The following CASZ1 variants were observed in gnomAD, a reference collection of about 807,000 sequenced individuals.
CASZ1 encodes the protein zinc finger protein castor homolog 1.
A neutral mutation model predicts 135.2 loss-of-function variants in CASZ1; 28 were observed. The ratio of observed to expected loss-of-function variants is 0.21; its 90% CI spans 0.15 to 0.28. CASZ1 has a LOEUF of 0.28. CASZ1 is among the 10% of genes least tolerant of loss of function. The pLI, the probability that CASZ1 is intolerant of heterozygous loss-of-function variation, is 1.00. For missense variants in CASZ1, 2,161 were observed against 2,453.3 expected, an observed-to-expected ratio of 0.88 and a Z score of 2.52; for synonymous variants, 1,068 against 1,073.4, an observed-to-expected ratio of 0.99 and a Z score of 0.10.
intron 19 of CASZ1, 78 bp downstream of exon 19, chr1:10,643,082 A>C: frequency 1.3e-6 from 2 of 1,594,436 alleles, no homozygotes; most frequent in Non-Finnish European, 8.6e-7. Flanking sequence ...TCCATGCAGC[A>C]CAGGCCTGAG....
At chr1:10,754,711 G>T (rs368376839) in intron 2 of CASZ1, among the ~76,000 whole-genome samples, 3 of 152,186 alleles carry the variant, frequency 2.0e-5, no homozygotes, top group African/African-American at 7.2e-5. Flanking sequence ...TCTGCCTGGA[G>T]AGCAGCACGG....
chr1:10,748,236 G>A (rs1288600402), intron 2 of CASZ1, among the ~76,000 whole-genome samples: 1 of 152,202 alleles, frequency 6.6e-6, no homozygotes. Context: ...CTGGGCAGGG[G>A]TGGCAGGCCG....
chr1:10,758,328 CTTTTTTT>C (rs756390835), intron 2 of CASZ1, among the ~76,000 whole-genome samples: 2 of 134,362 alleles, frequency 1.5e-5, no homozygotes, highest in Non-Finnish European at 3.1e-5. Flanking sequence ...CTCTCTCTCT[CTTTTTTT>C]TTTTTTTTTT....
chr1:10,645,525 C>T (rs1475537766), intron 17 of CASZ1, among the ~76,000 whole-genome samples: 1 of 152,128 alleles, frequency 6.6e-6, no homozygotes, highest in Non-Finnish European at 1.5e-5. Context: ...GCGAGACTGT[C>T]TCAAAAAAAA....
intron 2 of CASZ1, among the ~76,000 whole-genome samples, chr1:10,731,426 T>TA (rs1030099748): frequency 9.4e-5 from 14 of 149,358 alleles, no homozygotes; most frequent in African/African-American, 3.0e-4. Context: ...CTACTAAAAA[T>TA]AAAAAAAAAG....
chr1:10,660,397 C>T lies in CASZ1; in HGVS notation c.645G>A (p.Pro215=), dbSNP rs149880030. 7.2e-4 allele frequency: 1,161 copies of T among 1,614,122 alleles called. 12 individuals carry two copies. The African/African-American group carries it at 0.014, about 19-fold the overall frequency. Residue 215 remains proline (P), a synonymous_variant, in exon 6 of 21, where the codon CCG becomes CCA. Coordinates refer to ENST00000377022, the MANE Select transcript of CASZ1 (RefSeq NM_001079843.3). ...GCAGCATGGAGGAGGTGGCTGCCTC[C>T]GGGGTGGAGCCCGCGTGCAGCTTCT... is the stretch of plus-strand genomic sequence containing the variant. The part of the protein sequence containing the change: ...SFEKLHAGST[P]EAATSSMLPT...
chr1:10,715,762 C>T (rs1385735668), intron 2 of CASZ1, among the ~76,000 whole-genome samples: 2 of 132,326 alleles, frequency 1.5e-5, no homozygotes, highest in Admixed American at 7.4e-5. Context: ...GCACCCAATC[C>T]ACACCCCACA....
At position 10,700,473 on chromosome 1, in the gene CASZ1, C is replaced by T. The variant is rs1639040079; in HGVS notation, c.-24+5019G>A. Among the ~76,000 whole-genome samples, 1 of 152,312 alleles carries T rather than the reference C, an allele frequency of 6.6e-6. No homozygotes were observed. The highest frequency in any genetic ancestry group is 1.9e-4 in the East Asian group (1 of 5,182). ...CGTACTTGGGGAGAAGACACGTGTG[C>T]TGCTGCCTGAGTCTAGGTGTTTGGA... On this transcript the variant is annotated intron_variant, in intron 3 of 20. Coordinates refer to ENST00000377022, the MANE Select transcript of CASZ1 (RefSeq NM_001079843.3). This position sits in a 1 kb window ranked among gnomAD's most constrained non-coding sequence, Gnocchi z 4.2.
At chr1:10,640,894 G>A (rs180922826) in intron 20 of CASZ1, among the ~76,000 whole-genome samples, 118 of 152,310 alleles carry the variant, frequency 7.7e-4, no homozygotes, top group African/African-American at 2.6e-3. Context: ...GGAGGTACCT[G>A]TGCCCCTATG....
At position 10,716,752 on chromosome 1, in the gene CASZ1, A is replaced by G. The variant is rs555087616; in HGVS notation, c.-76-11208T>C. On this transcript the variant is annotated intron_variant, in intron 2 of 20. Transcript: ENST00000377022. ...GGCAGGTAGCACAGAAAGTCCTGGA[A>G]TGCCACTAGTAGGCAGGGCCAGGCC... 1.1e-4 allele frequency among the ~76,000 whole-genome samples: 16 copies of G among 152,304 alleles called. No individual in the cohort carries two copies. In the East Asian group the frequency reaches 3.1e-3, roughly 29 times the overall value.
At chr1:10,733,173 C>T (rs75797296) in intron 2 of CASZ1, among the ~76,000 whole-genome samples, 9,128 of 152,222 alleles carry the variant, frequency 0.06, 939 homozygotes, top group African/African-American at 0.21. Flanking sequence ...TTCCCAGGGT[C>T]GCCTCCAGCA....
rs1639169695 is a variant in CASZ1, at chr1:10,706,190, A to G, written c.-76-646T>C. On this transcript the variant is annotated intron_variant, in intron 2 of 20. Coordinates refer to ENST00000377022, the MANE Select transcript of CASZ1 (RefSeq NM_001079843.3). This position sits in a 1 kb window ranked among gnomAD's most constrained non-coding sequence, Gnocchi z 4.3. ...CAGAGACCGTGCAGGGAGAGGGACG[A>G]TGGTCAGACAACGTGGAGGCTTTAA... Among the ~76,000 whole-genome samples, 2 of 152,206 alleles carry G rather than the reference A, an allele frequency of 1.3e-5. No homozygotes were observed. The highest frequency in any genetic ancestry group is 2.9e-5 in the Non-Finnish European group (2 of 68,030).
chr1:10,790,744 C>T (rs1640941568), intron 1 of CASZ1, among the ~76,000 whole-genome samples: 1 of 151,996 alleles, frequency 6.6e-6, no homozygotes, highest in Non-Finnish European at 1.5e-5. Flanking sequence ...TTATCTCGTT[C>T]CCCCCTTGTA....
rs1283600910 is a variant in CASZ1, at chr1:10,694,844, G to A, written c.-23-932C>T. On this transcript the variant is annotated intron_variant, in intron 3 of 20. Transcript: ENST00000377022. The surrounding 1 kb of genome is among the most constrained non-coding windows in gnomAD (Gnocchi z 6.6). ...GGACCCGGCGCGGGGCGGGGAACGCGGCCCGAGTAAGGCGCCCGCGGGCAC... is the reference window on the plus strand; with the variant it reads ...GGACCCGGCGCGGGGCGGGGAACGCAGCCCGAGTAAGGCGCCCGCGGGCAC... Among the ~76,000 whole-genome samples, 1 of 143,334 alleles carries A rather than the reference G, an allele frequency of 7.0e-6. No individual in the cohort carries two copies. Among genetic ancestry groups the A allele is most frequent in the Non-Finnish European group, 1.5e-5 (1 of 64,726 alleles). 94.0% of individuals were successfully genotyped at this position (143,334 alleles called of 152,430 possible).
rs1640900242 is a variant in CASZ1 at position 10,788,612 on chromosome 1, G to A, written c.-234+7952C>T. On this transcript the variant is annotated intron_variant, in intron 1 of 20. Transcript: ENST00000377022. The surrounding 1 kb of genome is among the most constrained non-coding windows in gnomAD (Gnocchi z 4.1). The stretch of plus-strand genomic sequence containing the variant: ...CGCCGTCAAACCAAGGCTCAGCAGT[G>A]CCTCACACCCAGGTGGCCAAGGATG... 6.6e-6 allele frequency among the ~76,000 whole-genome samples: 1 copy of A among 152,214 alleles called. No homozygotes were observed. The highest frequency in any genetic ancestry group is 2.1e-4 in the South Asian group (1 of 4,834).
At chr1:10,683,144 G>A (rs1466257621) in intron 4 of CASZ1, among the ~76,000 whole-genome samples, 1 of 152,180 alleles carries the variant, frequency 6.6e-6, no homozygotes, top group East Asian at 1.9e-4. Flanking sequence ...TGGGGTTCTG[G>A]CTTGGCTCTC....
chr1:10,694,461 A>G lies in CASZ1; in HGVS notation c.-23-549T>C, dbSNP rs976484537. Reference sequence around the variant, plus strand: ...TCAGGGTAACAGTTTGGCAGGAGGGAGCGGGCGGGCGGGCGCGGCCGGGGG... The same window carrying G: ...TCAGGGTAACAGTTTGGCAGGAGGGGGCGGGCGGGCGGGCGCGGCCGGGGG... On this transcript the variant is annotated intron_variant, in intron 3 of 20. Transcript: ENST00000377022. The surrounding 1 kb of genome is among the most constrained non-coding windows in gnomAD (Gnocchi z 6.6). 4.7e-6 allele frequency: 1 copy of G among 213,514 alleles called. No individual in the cohort carries two copies. The highest frequency in any genetic ancestry group is 2.4e-5 in the African/African-American group (1 of 41,938). 13.2% of individuals were successfully genotyped at this position (213,514 alleles called of 1,614,324 possible).
chr1:10,675,906 G>A (rs977513002), intron 4 of CASZ1, among the ~76,000 whole-genome samples: 6 of 151,846 alleles, frequency 4.0e-5, no homozygotes, highest in Admixed American at 2.0e-4. Context: ...CTGGCAGGCC[G>A]GTCCGGGCCA....
intron 4 of CASZ1, among the ~76,000 whole-genome samples, chr1:10,677,922 G>A (rs1049920404): frequency 3.3e-5 from 5 of 152,224 alleles, no homozygotes; most frequent in Non-Finnish European, 7.3e-5. Flanking sequence ...AGGCTCCCCC[G>A]TTCTCCAGGG....
Sources: gnomAD v4.1 joint callset for allele counts (sites outside exome capture counted in the v4.1 genomes callset) on GRCh38, gnomAD v4.1.1 for gene constraint, Gnocchi (gnomAD v3.1) non-coding constraint, MANE v1.5 for transcripts, NCBI Gene and HGNC (gene_info 2026-07-23, HGNC 2026-07-21) for gene names.